CCSER1: variants seen among roughly 807,000 people sequenced by gnomAD.
CCSER1 encodes serine-rich coiled-coil domain-containing protein 1.
A neutral mutation model predicts 82.0 loss-of-function variants in CCSER1; 41 were observed. That is an observed-to-expected ratio of 0.50 (90% CI 0.39 to 0.65). The LOEUF (loss-of-function observed/expected upper bound fraction) is 0.65. CCSER1 is among the 30% of genes least tolerant of loss of function. The pLI, the probability that CCSER1 is intolerant of heterozygous loss-of-function variation, is 0.00. For missense variants in CCSER1, 1,119 were observed against 1,064.2 expected, an observed-to-expected ratio of 1.05 and a Z score of -0.72; for synonymous variants, 414 against 383.9, an observed-to-expected ratio of 1.08 and a Z score of -0.92.
chr4:90,774,421 T>C (rs1752630649), intron 7 of CCSER1, among the ~76,000 whole-genome samples: 1 of 152,094 alleles, frequency 6.6e-6, no homozygotes. Context: ...CCTCACACTA[T>C]TAGAAGAGTT....
chr4:90,809,591 A>T (rs548660022), intron 7 of CCSER1, among the ~76,000 whole-genome samples: 1 of 152,226 alleles, frequency 6.6e-6, no homozygotes, highest in African/African-American at 2.4e-5. Flanking sequence ...AATGTACACT[A>T]TTTAAGTGAT....
Position 91,599,026 on chromosome 4 carries a change from AGCTGCAAACTCTAG to A in CCSER1, c.2675_2688del (p.Leu892ProfsTer17). The A allele has an allele frequency of 6.5e-7, 1 of 1,548,030 alleles. No homozygotes were observed. The highest frequency in any genetic ancestry group is 8.7e-7 in the Non-Finnish European group (1 of 1,144,168). ...CTCCACCACAATTTACACAGCACTG[AGCTGCAAACTCTAG>A]GCCAGCAGGATGGGTAATTAAATCA... On this transcript the variant is annotated frameshift_variant, in exon 11 of 11. Transcript: ENST00000509176. LOFTEE classifies it high-confidence loss of function.
chr4:90,515,633 G>T (rs1410434366), intron 5 of CCSER1, among the ~76,000 whole-genome samples: 2 of 152,090 alleles, frequency 1.3e-5, no homozygotes, highest in African/African-American at 2.4e-5. Context: ...ACTTATTCTA[G>T]GCCTGTAAAT....
rs142369125 is a variant in CCSER1, at chr4:91,173,518, C to T, written c.2217+87524C>T. 9.2e-3 allele frequency among the ~76,000 whole-genome samples: 1,378 copies of T among 149,118 alleles called. 31 individuals are homozygous for T. Among genetic ancestry groups the T allele is most frequent in the African/African-American group, 0.033 (1,322 of 40,410 alleles). On this transcript the variant is annotated intron_variant, in intron 10 of 10. Coordinates refer to ENST00000509176, the MANE Select transcript of CCSER1 (RefSeq NM_001145065.2). ...CTGAGGCAGGAGAATTGCTTGAACC[C>T]GGGAGGTGGAGGTTGAAGTGATCCT... is the stretch of plus-strand genomic sequence containing the variant.
intron 9 of CCSER1, among the ~76,000 whole-genome samples, chr4:91,048,770 G>A (rs892278696): frequency 2.0e-5 from 3 of 152,064 alleles, no homozygotes; most frequent in Admixed American, 1.3e-4. Context: ...TGTGAAATAA[G>A]CTTACATTGG....
At chr4:90,877,076 G>A (rs912990813) in intron 8 of CCSER1, among the ~76,000 whole-genome samples, 10 of 152,118 alleles carry the variant, frequency 6.6e-5, no homozygotes, top group African/African-American at 1.7e-4. Context: ...GAGAGTTTAA[G>A]TATGTTTTCT....
chr4:91,187,806 G>T (rs560601296), intron 10 of CCSER1, among the ~76,000 whole-genome samples: 2 of 152,328 alleles, frequency 1.3e-5, no homozygotes, highest in South Asian at 4.1e-4. Context: ...ACCCGCCTTG[G>T]CCTCCCAAAG....
intron 7 of CCSER1, among the ~76,000 whole-genome samples, chr4:90,785,934 C>CTCATATAG (rs1285521568): frequency 6.6e-6 from 1 of 152,154 alleles, no homozygotes; most frequent in African/African-American, 2.4e-5. Flanking sequence ...GTAGCAAATA[C>CTCATATAG]TCATATAGTT....
At chr4:91,242,215 T>C (rs375330527) in intron 10 of CCSER1, among the ~76,000 whole-genome samples, 3 of 152,290 alleles carry the variant, frequency 2.0e-5, no homozygotes, top group East Asian at 3.9e-4. Context: ...GGGAAACTCC[T>C]GGAGCCTAGT....
intron 10 of CCSER1, among the ~76,000 whole-genome samples, chr4:91,335,607 T>C (rs1304495655): frequency 6.6e-6 from 1 of 152,106 alleles, no homozygotes; most frequent in Non-Finnish European, 1.5e-5. Flanking sequence ...AGGGGTATTA[T>C]AATAATATCC....
At chr4:90,141,130 G>A (rs1231824858) in intron 1 of CCSER1, among the ~76,000 whole-genome samples, 1 of 151,882 alleles carries the variant, frequency 6.6e-6, no homozygotes, top group African/African-American at 2.4e-5. Context: ...CTGTAGAACC[G>A]ACTGGAAGGC....
intron 10 of CCSER1, among the ~76,000 whole-genome samples, chr4:91,298,989 AC>A (rs1395098145): frequency 9.2e-5 from 14 of 152,004 alleles, no homozygotes; most frequent in African/African-American, 3.4e-4. Context: ...AAAGGCAAAT[AC>A]TTTGGACCTC....
chr4:91,076,546 TAAG>T (rs2148785098), intron 9 of CCSER1, among the ~76,000 whole-genome samples: 1 of 152,308 alleles, frequency 6.6e-6, no homozygotes, highest in African/African-American at 2.4e-5. Context: ...AATATTGGTT[TAAG>T]TTTTATTTTA....
chr4:91,479,695 T>G (rs1560704185), intron 10 of CCSER1, among the ~76,000 whole-genome samples: 1 of 108,974 alleles, frequency 9.2e-6, no homozygotes, highest in Non-Finnish European at 2.1e-5. Context: ...CTTATTCTTT[T>G]TTTTTTCTTT....
chr4:91,082,871 A>G (rs1722936373), intron 9 of CCSER1, among the ~76,000 whole-genome samples: 1 of 152,226 alleles, frequency 6.6e-6, no homozygotes, highest in Admixed American at 6.5e-5. Flanking sequence ...ATACCATCTC[A>G]CACCAGTTAG....
chr4:90,224,649 T>A (rs1018093799), intron 1 of CCSER1, among the ~76,000 whole-genome samples: 1 of 152,236 alleles, frequency 6.6e-6, no homozygotes, highest in African/African-American at 2.4e-5. Flanking sequence ...TGATTTAAGA[T>A]ACATTCGATG....
chr4:91,225,425 A>C (rs1055338612), intron 10 of CCSER1, among the ~76,000 whole-genome samples: 1 of 145,746 alleles, frequency 6.9e-6, no homozygotes, highest in African/African-American at 2.5e-5. Context: ...GAAAATATAC[A>C]GTATTTCTTA....
chr4:91,350,351 ACTTAC>A (rs962808470), intron 10 of CCSER1, among the ~76,000 whole-genome samples: 5 of 152,154 alleles, frequency 3.3e-5, no homozygotes, highest in African/African-American at 1.2e-4. Context: ...TGGTTATTAT[ACTTAC>A]CTTAAAAACC....
chr4:90,815,494 A>T (rs1758879585), intron 7 of CCSER1, among the ~76,000 whole-genome samples: 1 of 151,546 alleles, frequency 6.6e-6, no homozygotes, highest in Admixed American at 6.6e-5. Flanking sequence ...AAAACAAAAC[A>T]AAAAACTAAG....
Sources: allele counts gnomAD v4.1 joint callset (sites outside exome capture counted in the v4.1 genomes callset), GRCh38; gene constraint gnomAD v4.1.1; transcripts MANE v1.5; gene names NCBI Gene and HGNC (gene_info 2026-07-23, HGNC 2026-07-21).